Variants in FRY observed in about 807,000 individuals in gnomAD.
The protein encoded by FRY is protein furry homolog.
In FRY, 128 loss-of-function variants were observed where a neutral mutation model predicts 348.4. The observed-to-expected ratio is 0.37, with a 90% CI of 0.32 to 0.43. The LOEUF (loss-of-function observed/expected upper bound fraction) is 0.43. Among genes scored for constraint, FRY ranks in the 20% least tolerant of loss-of-function variants. FRY has a pLI of 1.00. For synonymous variants in FRY, 1,370 were observed against 1,374.7 expected, an observed-to-expected ratio of 1.00 and a Z score of 0.08; for missense variants, 2,736 against 3,695.2, an observed-to-expected ratio of 0.74 and a Z score of 6.73.
At chr13:32,116,274 C>G (rs540073251) in intron 3 of FRY, among the ~76,000 whole-genome samples, 1 of 152,216 alleles carries the variant, frequency 6.6e-6, no homozygotes, top group South Asian at 2.1e-4. Flanking sequence ...TTTATCACTG[C>G]TCATCAACTC....
chr13:32,192,824 A>C (rs1371929455), intron 28 of FRY, among the ~76,000 whole-genome samples: 1 of 148,038 alleles, frequency 6.8e-6, no homozygotes, highest in Non-Finnish European at 1.5e-5. Context: ...GCTCACTGCA[A>C]CCTCTGCCTC....
At chr13:32,037,683 A>G (rs187036775) in intron 1 of FRY, among the ~76,000 whole-genome samples, 11 of 152,354 alleles carry the variant, frequency 7.2e-5, no homozygotes, top group Non-Finnish European at 1.6e-4. Context: ...AAAGTTGCCA[A>G]TATTTAGAGG....
At chr13:32,261,215 G>T (rs570744503) in intron 51 of FRY, among the ~76,000 whole-genome samples, 1 of 152,288 alleles carries the variant, frequency 6.6e-6, no homozygotes, top group East Asian at 1.9e-4. Flanking sequence ...TTCTCCTTCT[G>T]AAAACAGTAC....
chr13:32,283,531 T>C (rs1309640910), intron 58 of FRY, among the ~76,000 whole-genome samples: 1 of 152,240 alleles, frequency 6.6e-6, no homozygotes, highest in African/African-American at 2.4e-5. Flanking sequence ...TCTCTGCATA[T>C]GCAAGCACCT....
intron 49 of FRY, 92 bp downstream of exon 49, chr13:32,249,779 C>A: frequency 8.7e-7 from 1 of 1,148,054 alleles, no homozygotes; most frequent in South Asian, 1.3e-5. Context: ...TCTCACCATC[C>A]CAAGGTTGCC....
intron 29 of FRY, among the ~76,000 whole-genome samples, chr13:32,194,898 A>G (rs1475644380): frequency 1.4e-5 from 1 of 70,552 alleles, no homozygotes; most frequent in Non-Finnish European, 2.9e-5. Context: ...TGCATAAGCT[A>G]TTCCCAAGAA....
At chr13:32,273,696 T>A (rs12877839) in intron 55 of FRY, among the ~76,000 whole-genome samples, 44,597 of 152,040 alleles carry the variant, frequency 0.29, 7,379 homozygotes, top group Middle Eastern at 0.45. Context: ...AAATGCACAG[T>A]TTCCGTGCTG....
chr13:32,278,892 GA>G (rs1418902280), intron 58 of FRY, among the ~76,000 whole-genome samples: 3 of 152,274 alleles, frequency 2.0e-5, no homozygotes, highest in Middle Eastern at 3.4e-3. Context: ...TTTCTTTAAT[GA>G]AGGAAGTTTC....
chr13:32,261,873 C>T, intron 52 of FRY, 57 bp downstream of exon 52: 3 of 1,475,092 alleles, frequency 2.0e-6, no homozygotes, highest in Non-Finnish European at 2.8e-6. Context: ...GTAACTAATG[C>T]AGGAGGACAG....
In FRY at chr13:32,184,682, T is replaced by C; in HGVS notation, c.3137T>C (p.Ile1046Thr). 6.3e-7 allele frequency: 1 copy of C among 1,592,430 alleles called. No homozygotes were observed. The highest frequency in any genetic ancestry group is 8.6e-7 in the Non-Finnish European group (1 of 1,160,196). Residue 1046 changes from isoleucine (I) to threonine (T), a missense_variant, in exon 25 of 61, where the codon ATA (isoleucine) becomes ACA (threonine). Transcript: ENST00000542859. ...GAACTTTTGGCTGATGCTGGTGTAA[T>C]AAGTGACAGGTAGGATCAGAATTCT... is the stretch of plus-strand genomic sequence containing the variant. ...IFELLADAGV[I>T]SDSTNGALER...
chr13:32,089,277 T>C (rs1876093687), intron 2 of FRY, among the ~76,000 whole-genome samples: 1 of 150,758 alleles, frequency 6.6e-6, no homozygotes, highest in Non-Finnish European at 1.5e-5. Flanking sequence ...ATATTCTGAC[T>C]TTTAAAATTT....
At position 32,239,113 on chromosome 13, in the gene FRY, T is replaced by C; in HGVS notation, c.6419-139T>C. ...GTGGTTGTGCATTTTTCATAGATTT[T>C]GTGTTAGATCATGTTTAAGCTGATT... is the stretch of plus-strand genomic sequence containing the variant. On this transcript the variant is annotated intron_variant, in intron 44 of 60. Transcript: ENST00000542859. The surrounding 1 kb of genome is among the most constrained non-coding windows in gnomAD (Gnocchi z 4.3). The C allele has an allele frequency of 1.4e-6, 1 of 694,808 alleles. No homozygotes were observed. Among genetic ancestry groups the C allele is most frequent in the South Asian group, 1.5e-5 (1 of 67,590 alleles). The allele number at this position is 694,808 out of a possible 1,614,324, so 43.0% of individuals were successfully genotyped here. A position where few individuals can be genotyped will look rare whatever the true frequency, so the allele number is the denominator to read the frequency against.
At chr13:32,032,321 T>G (rs889413116) in intron 1 of FRY, among the ~76,000 whole-genome samples, 1 of 152,200 alleles carries the variant, frequency 6.6e-6, no homozygotes, top group Non-Finnish European at 1.5e-5. Context: ...TGTAATTGTT[T>G]TTTTAGGGTA....
intron 2 of FRY, among the ~76,000 whole-genome samples, chr13:32,095,004 C>T (rs1391443586): frequency 1.3e-5 from 2 of 152,194 alleles, no homozygotes; most frequent in Non-Finnish European, 2.9e-5. Flanking sequence ...ATATGCTTGC[C>T]AGCATTTGTT....
intron 8 of FRY, among the ~76,000 whole-genome samples, chr13:32,134,039 A>C (rs772320650): frequency 5.3e-4 from 81 of 152,138 alleles, no homozygotes; most frequent in Middle Eastern, 3.2e-3. Context: ...TTGGCCTCCC[A>C]AAGTGTCAGG....
chr13:32,274,298 C>A (rs1399336954), intron 55 of FRY, among the ~76,000 whole-genome samples: 1 of 151,932 alleles, frequency 6.6e-6, no homozygotes, highest in African/African-American at 2.4e-5. Context: ...ATTCTCACCA[C>A]CAAAAAAAAT....
intron 1 of FRY, chr13:32,060,835 T>C (rs1378558571): frequency 9.5e-6 from 3 of 314,956 alleles, no homozygotes; most frequent in Non-Finnish European, 1.9e-5. Flanking sequence ...TAGGTCACTG[T>C]CTTACTGTGC....
In FRY at chr13:32,131,749, A is replaced by C; in HGVS notation, c.794A>C (p.Gln265Pro). The part of the protein sequence containing the change: ...RHKEQNPYVV[Q>P]SIISLIMGMK... ...AAAGAGCAGAACCCATATGTGGTTC[A>C]AAGCATTATCAGCTTAATAATGGGC... The change falls in exon 8 of 61, where the codon CAA (glutamine) becomes CCA (proline). Residue 265 changes from glutamine (Q) to proline (P), a missense_variant. Gln to Pro is a moderately conservative substitution (Grantham distance 76). This residue lies in a region of FRY where 309 missense variants were observed against 418.1 expected (regional missense o/e 0.74). Transcript: ENST00000542859. The C allele has an allele frequency of 1.2e-6, 2 of 1,613,464 alleles. No homozygotes were observed. The highest frequency in any genetic ancestry group is 1.1e-5 in the South Asian group (1 of 91,072).
At chr13:32,272,705 G>A (rs141292265) in intron 55 of FRY, among the ~76,000 whole-genome samples, 10 of 152,188 alleles carry the variant, frequency 6.6e-5, no homozygotes, top group African/African-American at 2.4e-4. Context: ...GTTCAGGGGG[G>A]TAAAAGTGTT....
Sources: gnomAD v4.1 joint callset for allele counts (sites outside exome capture counted in the v4.1 genomes callset) on GRCh38, gnomAD v4.1.1 for gene constraint, gnomAD v4.1.1 regional missense constraint, Gnocchi (gnomAD v3.1) non-coding constraint, MANE v1.5 for transcripts, NCBI Gene and HGNC (gene_info 2026-07-23, HGNC 2026-07-21) for gene names.